MORC1: variants seen among roughly 807,000 people sequenced by gnomAD.
MORC1 encodes the protein MORC family CW-type zinc finger protein 1.
A neutral mutation model predicts 134.9 loss-of-function variants in MORC1; 59 were observed. The observed-to-expected ratio is 0.44, with a 90% CI of 0.35 to 0.54. The LOEUF is 0.54. Ranked by LOEUF, MORC1 falls within the 20% of genes least tolerant of loss-of-function variation. The pLI, the probability that MORC1 is intolerant of heterozygous loss-of-function variation, is 0.00. For missense variants in MORC1, 947 were observed against 1,134.5 expected (o/e 0.83, Z 2.37); for synonymous variants, 395 against 391.7 (o/e 1.01, Z -0.10).
At chr3:108,973,227 G>A (rs1181926471) in intron 24 of MORC1, among the ~76,000 whole-genome samples, 1 of 152,172 alleles carries the variant, frequency 6.6e-6, no homozygotes, top group African/African-American at 2.4e-5. Context: ...CACAGAGCCT[G>A]GCATCATGCC....
chr3:109,055,300 T>C (rs1169677674), intron 13 of MORC1, among the ~76,000 whole-genome samples: 1 of 152,226 alleles, frequency 6.6e-6, no homozygotes, highest in South Asian at 2.1e-4. Flanking sequence ...CTCCTCTTCA[T>C]TGCAGAGGTC....
chr3:109,058,585 T>C (rs1425883341), intron 12 of MORC1, among the ~76,000 whole-genome samples: 1 of 152,020 alleles, frequency 6.6e-6, no homozygotes, highest in Non-Finnish European at 1.5e-5. Context: ...CATGTGGATA[T>C]GATATATATA....
At chr3:108,973,918 T>A (rs1014953165) in intron 24 of MORC1, among the ~76,000 whole-genome samples, 8 of 152,136 alleles carry the variant, frequency 5.3e-5, no homozygotes, top group Non-Finnish European at 7.3e-5. Context: ...CTTTATAAAG[T>A]ACTAGAATTG....
At chr3:109,044,643 T>C (rs1190487721) in intron 14 of MORC1, among the ~76,000 whole-genome samples, 1 of 151,498 alleles carries the variant, frequency 6.6e-6, no homozygotes, top group African/African-American at 2.4e-5. Context: ...ATATTTTGCC[T>C]CTTAAAAATA....
intron 20 of MORC1, among the ~76,000 whole-genome samples, chr3:109,002,303 A>G (rs922003217): frequency 1.3e-5 from 2 of 152,172 alleles, no homozygotes; most frequent in African/African-American, 4.8e-5. Flanking sequence ...TTACTCACAT[A>G]GAGAAGAGAT....
chr3:109,048,384 T>C (rs1331809211), intron 14 of MORC1, among the ~76,000 whole-genome samples: 4 of 152,232 alleles, frequency 2.6e-5, no homozygotes, highest in Non-Finnish European at 2.9e-5. Flanking sequence ...GATATAATTA[T>C]ACAGGGTCTG....
chr3:108,988,892 C>T (rs1427776677), intron 21 of MORC1, among the ~76,000 whole-genome samples: 2 of 152,092 alleles, frequency 1.3e-5, no homozygotes, highest in Non-Finnish European at 2.9e-5. Flanking sequence ...GCTGTTTTTC[C>T]TAGGATCAGA....
At chr3:109,113,204 G>C (rs1214503919) in intron 2 of MORC1, among the ~76,000 whole-genome samples, 5 of 152,134 alleles carry the variant, frequency 3.3e-5, no homozygotes, top group Non-Finnish European at 1.5e-5. Flanking sequence ...CTCCTTTAGG[G>C]AAGCTAATCA....
At chr3:108,975,218 G>A (rs1947516226) in intron 24 of MORC1, among the ~76,000 whole-genome samples, 1 of 152,148 alleles carries the variant, frequency 6.6e-6, no homozygotes, top group South Asian at 2.1e-4. Flanking sequence ...CCTCCTACTG[G>A]AGGTTGACCA....
Position 108,990,619 on chromosome 3 carries a change from C to G in MORC1, c.2188-3670G>C, listed in dbSNP as rs983296240. Among the ~76,000 whole-genome samples, 39 of 152,182 alleles carry G rather than the reference C, an allele frequency of 2.6e-4. 1 individual carries two copies. The highest frequency in any genetic ancestry group is 5.9e-5 in the Non-Finnish European group (4 of 68,030). ...CTAATACTTGTCATTATCTACCATA[C>G]ACCATATTTACTTATTCATCTTGTC... is the stretch of plus-strand genomic sequence containing the variant. On this transcript the variant is annotated intron_variant, in intron 21 of 27. Coordinates refer to ENST00000232603, the MANE Select transcript of MORC1 (RefSeq NM_014429.4).
intron 21 of MORC1, among the ~76,000 whole-genome samples, chr3:108,995,967 G>T (rs1383019510): frequency 6.6e-6 from 1 of 152,122 alleles, no homozygotes; most frequent in African/African-American, 2.4e-5. Flanking sequence ...TGGGGTGATT[G>T]AATTCATGTA....
intron 14 of MORC1, among the ~76,000 whole-genome samples, chr3:109,039,026 C>T (rs1949448816): frequency 6.6e-6 from 1 of 152,156 alleles, no homozygotes; most frequent in South Asian, 2.1e-4. Flanking sequence ...AAGCAATTCT[C>T]ATGACTCAGC....
At chr3:109,074,624 A>G (rs1950382829) in intron 8 of MORC1, among the ~76,000 whole-genome samples, 1 of 152,250 alleles carries the variant, frequency 6.6e-6, no homozygotes, top group Non-Finnish European at 1.5e-5. Flanking sequence ...ACTGACATCG[A>G]GAGTCTAAAC....
At chr3:109,031,568 T>G (rs1201239552) in intron 16 of MORC1, among the ~76,000 whole-genome samples, 1 of 152,148 alleles carries the variant, frequency 6.6e-6, no homozygotes, top group African/African-American at 2.4e-5. Context: ...AAGTCCCAAG[T>G]TGGGGATGAA....
chr3:108,973,797 G>T (rs1411604547), intron 24 of MORC1, among the ~76,000 whole-genome samples: 1 of 151,670 alleles, frequency 6.6e-6, no homozygotes, highest in African/African-American at 2.4e-5. Context: ...ATGGGGTTTT[G>T]CCATGTTGCC....
chr3:109,116,974 A>C (rs567576108), intron 1 of MORC1, among the ~76,000 whole-genome samples: 1 of 152,204 alleles, frequency 6.6e-6, no homozygotes, highest in Admixed American at 6.5e-5. Flanking sequence ...TCCATATAAA[A>C]CTGAGGCTGA....
chr3:109,034,298 A>G (rs1949317769), intron 15 of MORC1, among the ~76,000 whole-genome samples: 1 of 152,104 alleles, frequency 6.6e-6, no homozygotes, highest in Non-Finnish European at 1.5e-5. Flanking sequence ...ACTTCTACAG[A>G]GTTTTACACA....
At chr3:108,972,678 T>C (rs116574184) in intron 24 of MORC1, among the ~76,000 whole-genome samples, 5,184 of 152,224 alleles carry the variant, frequency 0.034, 277 homozygotes, top group African/African-American at 0.12. Flanking sequence ...AAAGAACACC[T>C]GGGTCAACAC....
Position 109,005,403 on chromosome 3 carries a change from G to T in MORC1, c.1768-88C>A, listed in dbSNP as rs979648040. 10 of 1,220,462 alleles carry T rather than the reference G, an allele frequency of 8.2e-6. No individual in the cohort carries two copies. In the East Asian group the frequency reaches 2.4e-4, roughly 29 times the overall value. The allele number at this position is 1,220,462 out of a possible 1,614,324, so 75.6% of individuals were successfully genotyped here. On this transcript the variant is annotated intron_variant, in intron 18 of 27. Transcript: ENST00000232603. ...CTTCTCTCATAACCTCATTATAATAGGTATTTCTTATTACTACTAAAAAGT... is the reference window on the plus strand; with the variant it reads ...CTTCTCTCATAACCTCATTATAATATGTATTTCTTATTACTACTAAAAAGT...
Sources: allele counts gnomAD v4.1 joint callset (sites outside exome capture counted in the v4.1 genomes callset), GRCh38; gene constraint gnomAD v4.1.1; transcripts MANE v1.5; gene names NCBI Gene and HGNC (gene_info 2026-07-23, HGNC 2026-07-21).